Variants in GALNT17 observed in about 807,000 individuals in gnomAD.
GALNT17 encodes the protein polypeptide N-acetylgalactosaminyltransferase 17.
Under a neutral mutation model 63.7 loss-of-function variants are expected in GALNT17, and 29 were observed. The observed-to-expected ratio is 0.46, with a 90% CI of 0.34 to 0.62. The LOEUF (loss-of-function observed/expected upper bound fraction) is 0.62. Among genes scored for constraint, GALNT17 ranks in the 20% least tolerant of loss-of-function variants. The probability of loss-of-function intolerance (pLI) is 0.01; values close to 1 mark genes in which losing one functional copy is unlikely to be tolerated. For missense variants in GALNT17, 603 were observed against 799.6 expected (o/e 0.75, Z 2.97); for synonymous variants, 305 against 318.3 (o/e 0.96, Z 0.45).
intron 1 of GALNT17, among the ~76,000 whole-genome samples, chr7:71,288,195 G>A (rs577623588): frequency 1.6e-4 from 19 of 122,234 alleles, no homozygotes; most frequent in South Asian, 8.5e-4. Context: ...TAGCCTGGGC[G>A]ACAGAGTGGG....
chr7:71,299,629 T>G (rs1330900403), intron 1 of GALNT17, among the ~76,000 whole-genome samples: 1 of 146,524 alleles, frequency 6.8e-6, no homozygotes, highest in Non-Finnish European at 1.5e-5. Flanking sequence ...ACATTGCCAC[T>G]GTAGCGCTGG....
chr7:71,416,040 C>T lies in GALNT17; in HGVS notation c.741C>T (p.Ala247=), dbSNP rs1449598084. 3 of 1,612,600 alleles carry T rather than the reference C, an allele frequency of 1.9e-6. No individual in the cohort carries two copies. Among genetic ancestry groups the T allele is most frequent in the Non-Finnish European group, 2.5e-6 (3 of 1,179,444 alleles). Residue 247 remains alanine, a synonymous_variant, in exon 4 of 11, where the codon GCC becomes GCT. Transcript: ENST00000333538. ...GGCAGGTCACTGGCTTCTTTGATGC[C>T]CACGTGGAATTCACCGCTGGCTGGT... ...ATGQVTGFFD[A]HVEFTAGWAE... is the part of the protein sequence containing the mutation.
chr7:71,440,336 T>G (rs1012636393), intron 5 of GALNT17, among the ~76,000 whole-genome samples: 3 of 151,978 alleles, frequency 2.0e-5, no homozygotes, highest in African/African-American at 7.3e-5. Flanking sequence ...CTCTGATGGT[T>G]TTTTTCTACA....
Position 71,244,856 on chromosome 7 carries a change from G to A in GALNT17, c.239-90694G>A, listed in dbSNP as rs577194735. 3.3e-4 allele frequency among the ~76,000 whole-genome samples: 50 copies of A among 152,066 alleles called. No individual in the cohort carries two copies. The South Asian group carries it at 0.01, about 32-fold the overall frequency. On this transcript the variant is annotated intron_variant, in intron 1 of 10. Transcript: ENST00000333538. ...TTCTAGTTGCTTGGGAGGCCAAGAC[G>A]GGAGGATCACTTGAGCCCAGGGGTT...
chr7:71,243,406 C>A (rs1016114226), intron 1 of GALNT17, among the ~76,000 whole-genome samples: 3 of 152,154 alleles, frequency 2.0e-5, no homozygotes, highest in African/African-American at 7.2e-5. Context: ...ATCTACTCTT[C>A]AATGATTTCA....
At chr7:71,411,056 C>T (rs1281759563) in intron 3 of GALNT17, among the ~76,000 whole-genome samples, 2 of 152,076 alleles carry the variant, frequency 1.3e-5, no homozygotes, top group South Asian at 4.2e-4. Context: ...TCTTAGTGTT[C>T]TTATAATGTC....
At chr7:71,606,003 G>C (rs1010231726) in intron 6 of GALNT17, among the ~76,000 whole-genome samples, 4 of 152,110 alleles carry the variant, frequency 2.6e-5, no homozygotes, top group Non-Finnish European at 5.9e-5. Flanking sequence ...GCAGTGCTGT[G>C]ATCTCAGTTC....
chr7:71,649,773 A>G lies in GALNT17; in HGVS notation c.1081-15638A>G, dbSNP rs575985323. On this transcript the variant is annotated intron_variant, in intron 6 of 10. Coordinates refer to ENST00000333538, the MANE Select transcript of GALNT17 (RefSeq NM_022479.3). ...ATAGTTAGCAACTGCAGGGAAGTGG[A>G]TTAAAGTGCACCTGTGTACCCTGAT... Among the ~76,000 whole-genome samples the G allele has an allele frequency of 3.9e-5, 6 of 152,322 alleles. No homozygotes were observed. The East Asian group carries it at 1.2e-3, about 29-fold the overall frequency.
chr7:71,412,249 G>A lies in GALNT17; in HGVS notation c.590-3640G>A, dbSNP rs1026511444. On this transcript the variant is annotated intron_variant, in intron 3 of 10. Transcript: ENST00000333538. Reference sequence around the variant, plus strand: ...GAGCCCGGGAGGTCGAGGCTGCAGTGAGCCATGATTGCTCACTAGCCCTCC... The same window carrying A: ...GAGCCCGGGAGGTCGAGGCTGCAGTAAGCCATGATTGCTCACTAGCCCTCC... 3.9e-5 allele frequency among the ~76,000 whole-genome samples: 6 copies of A among 152,330 alleles called. No individual in the cohort carries two copies. The East Asian group carries it at 1.2e-3, about 29-fold the overall frequency.
At chr7:71,657,192 G>GGGGT (rs1229612842) in intron 6 of GALNT17, among the ~76,000 whole-genome samples, 1 of 152,152 alleles carries the variant, frequency 6.6e-6, no homozygotes, top group Non-Finnish European at 1.5e-5. Flanking sequence ...ATTCCAAAGT[G>GGGGT]GGGTACACAA....
intron 6 of GALNT17, among the ~76,000 whole-genome samples, chr7:71,599,871 A>G (rs1197084568): frequency 6.6e-6 from 1 of 151,600 alleles, no homozygotes; most frequent in Non-Finnish European, 1.5e-5. Context: ...GGGCTAGGTA[A>G]TGTCTTATTG....
intron 1 of GALNT17, among the ~76,000 whole-genome samples, chr7:71,171,672 G>A (rs1025233471): frequency 6.6e-6 from 1 of 152,216 alleles, no homozygotes; most frequent in African/African-American, 2.4e-5. Context: ...TGTTGCCAAG[G>A]ATAACTAGGA....
intron 6 of GALNT17, among the ~76,000 whole-genome samples, chr7:71,622,866 T>A (rs1201376784): frequency 6.6e-6 from 1 of 152,254 alleles, no homozygotes; most frequent in Non-Finnish European, 1.5e-5. Flanking sequence ...TACAAAACCC[T>A]GTGCTGGACT....
chr7:71,359,065 T>A (rs1792346570), intron 2 of GALNT17, among the ~76,000 whole-genome samples: 3 of 152,182 alleles, frequency 2.0e-5, no homozygotes, highest in African/African-American at 7.2e-5. Context: ...CATTCATTAA[T>A]TTTGTTGATT....
chr7:71,145,056 A>G (rs1787992576), intron 1 of GALNT17, among the ~76,000 whole-genome samples: 1 of 152,042 alleles, frequency 6.6e-6, no homozygotes, highest in Non-Finnish European at 1.5e-5. Flanking sequence ...GGGATCATGG[A>G]GGACAAGGGG....
At chr7:71,649,312 G>A (rs150194783) in intron 6 of GALNT17, among the ~76,000 whole-genome samples, 1 of 152,176 alleles carries the variant, frequency 6.6e-6, no homozygotes, top group African/African-American at 2.4e-5. Flanking sequence ...TTTCCATTGT[G>A]CCATAACACA....
chr7:71,375,837 C>T (rs748233040), intron 2 of GALNT17, among the ~76,000 whole-genome samples: 11 of 152,148 alleles, frequency 7.2e-5, no homozygotes, highest in Admixed American at 2.6e-4. Flanking sequence ...CCAGTTTCAA[C>T]GTACAGTAGG....
At chr7:71,580,019 C>T (rs1012096668) in intron 6 of GALNT17, among the ~76,000 whole-genome samples, 13 of 150,892 alleles carry the variant, frequency 8.6e-5, no homozygotes, top group Admixed American at 1.3e-4. Flanking sequence ...GAGATATAGA[C>T]GATAGAGATG....
intron 2 of GALNT17, among the ~76,000 whole-genome samples, chr7:71,367,408 T>G (rs1792533135): frequency 6.6e-6 from 1 of 152,216 alleles, no homozygotes; most frequent in Non-Finnish European, 1.5e-5. Context: ...GGGGACAGTC[T>G]GGACCACTGG....
Sources: gnomAD v4.1 joint callset for allele counts (sites outside exome capture counted in the v4.1 genomes callset) on GRCh38, gnomAD v4.1.1 for gene constraint, MANE v1.5 for transcripts, NCBI Gene and HGNC (gene_info 2026-07-23, HGNC 2026-07-21) for gene names.